RBBP7: variants seen among roughly 807,000 people sequenced by gnomAD.
RBBP7 encodes the protein histone-binding protein RBBP7.
In RBBP7, 5 loss-of-function variants were observed where a neutral mutation model predicts 35.2. The observed-to-expected ratio is 0.14, with a 90% CI of 0.07 to 0.30. The LOEUF is 0.30. Ranked by LOEUF, RBBP7 falls within the 10% of genes least tolerant of loss-of-function variation. RBBP7 has a pLI of 1.00. For missense variants in RBBP7, 155 were observed against 327.5 expected (o/e 0.47, Z 4.07); for synonymous variants, 140 against 118.7 (o/e 1.18, Z -1.17).
chrX:16,867,628 C>T (rs754049437), intron 2 of RBBP7, among the ~76,000 whole-genome samples: 3 of 110,828 alleles, frequency 2.7e-5, no homozygotes, highest in Admixed American at 1.9e-4. Context: ...ATGGAGAACC[C>T]GGCCACTGTA....
chrX:16,856,515 G>A (rs1930356651), intron 5 of RBBP7, among the ~76,000 whole-genome samples: 1 of 107,670 alleles, frequency 9.3e-6, no homozygotes, highest in South Asian at 4.0e-4. Flanking sequence ...GGGTGACAGA[G>A]ACAGACTCCG....
At chrX:16,869,483 G>A (rs1226986428) in intron 1 of RBBP7, 36 of 1,164,427 alleles carry the variant, frequency 3.1e-5, no homozygotes, top group South Asian at 1.1e-4. Flanking sequence ...CCCTGTTACA[G>A]CTGTTCGCAC....
At chrX:16,845,785 C>T (rs368797334) in intron 11 of RBBP7, 43 bp downstream of exon 11, 926 of 1,180,428 alleles carry the variant, frequency 7.8e-4, no homozygotes, top group Non-Finnish European at 1.0e-3. Flanking sequence ...TAGTAAATCT[C>T]TCCTTTACAA....
chrX:16,861,572 T>C (rs1380887724), intron 3 of RBBP7, among the ~76,000 whole-genome samples: 1 of 111,772 alleles, frequency 8.9e-6, no homozygotes, highest in Admixed American at 9.5e-5. Flanking sequence ...GGTCTTAAAC[T>C]CCCAGGCTCA....
At chrX:16,849,410 C>A in intron 9 of RBBP7, 109 bp from the exon 10 acceptor site, 1 of 671,416 alleles carries the variant, frequency 1.5e-6, no homozygotes, top group African/African-American at 2.2e-5. Context: ...AACACACTCA[C>A]AAAAACAACT....
intron 10 of RBBP7, chrX:16,847,134 AAAAAG>A (rs1930099635): frequency 9.3e-6 from 1 of 107,102 alleles, no homozygotes; most frequent in Non-Finnish European, 1.9e-5. Flanking sequence ...GACTTAAAAA[AAAAAG>A]AGGTAAATAG....
At chrX:16,845,975 C>T in intron 10 of RBBP7, 37 bp from the exon 11 acceptor site, 1 of 1,191,067 alleles carries the variant, frequency 8.4e-7, no homozygotes, top group Non-Finnish European at 1.1e-6. Context: ...ATTTCATATA[C>T]TCTCCTGTTA....
chrX:16,864,542 A>AAAAAAAAAAAAAAG (rs1569063331), intron 2 of RBBP7, among the ~76,000 whole-genome samples: 7 of 40,721 alleles, frequency 1.7e-4, no homozygotes, highest in African/African-American at 7.5e-4. Context: ...AAAAAAAAAA[A>AAAAAAAAAAAAAAG]AAAAAGAAAA....
chrX:16,857,707 G>A lies in RBBP7; in HGVS notation c.484C>T (p.Pro162Ser). 8.4e-7 allele frequency: 1 copy of A among 1,188,119 alleles called. No individual in the cohort carries two copies. The highest frequency in any genetic ancestry group is 3.1e-5 in the East Asian group (1 of 32,665). Residue 162 changes from proline to serine, a missense_variant and splice_region_variant, in exon 5 of 12, where the codon CCA becomes TCA. Pro to Ser is a moderately conservative substitution (Grantham distance 74). Around this residue, in one of 3 missense-constraint regions of RBBP7, gnomAD observed 79 missense variants for 220.8 expected, o/e 0.36. Transcript: ENST00000380087. ...AGATCAGGATTACATTCTCCACTTGGGTCTAAGAAAAGATGAAAAACATTA... is the reference window on the plus strand; with the variant it reads ...AGATCAGGATTACATTCTCCACTTGAGTCTAAGAAAAGATGAAAAACATTA... ...DYTKHPAKPD[P>S]SGECNPDLRL...
In RBBP7 at chrX:16,868,623, T is replaced by C. The variant is rs193090837; in HGVS notation, c.161+453A>G. Reference sequence around the variant, plus strand: ...ATAACATCTTTTCTTTGGTCAATTGTTGACAAGGTCTTTTTCCCTTTACCA... The same window carrying C: ...ATAACATCTTTTCTTTGGTCAATTGCTGACAAGGTCTTTTTCCCTTTACCA... On this transcript the variant is annotated intron_variant, in intron 2 of 11. Coordinates refer to ENST00000380087, the MANE Select transcript of RBBP7 (RefSeq NM_002893.4). Among the ~76,000 whole-genome samples, 19 of 112,872 alleles carry C rather than the reference T, an allele frequency of 1.7e-4. No homozygotes were observed. In the East Asian group the frequency reaches 3.3e-3, roughly 20 times the overall value.
intron 4 of RBBP7, among the ~76,000 whole-genome samples, chrX:16,858,131 G>C (rs1466814314): frequency 4.5e-5 from 5 of 111,262 alleles, no homozygotes; most frequent in African/African-American, 1.6e-4. Flanking sequence ...TGTAAGCCCA[G>C]AGCAGTGGGG....
chrX:16,848,912 G>C (rs1328812623), intron 10 of RBBP7: 1 of 164,197 alleles, frequency 6.1e-6, no homozygotes, highest in Non-Finnish European at 1.1e-5. Flanking sequence ...ATACTGTTAG[G>C]AAATGTTAAG....
At chrX:16,858,391 G>A (rs1399013376) in intron 4 of RBBP7, among the ~76,000 whole-genome samples, 1 of 111,626 alleles carries the variant, frequency 9.0e-6, no homozygotes, top group Non-Finnish European at 1.9e-5. Flanking sequence ...CCCTGGATGG[G>A]AAGGACTCAG....
chrX:16,870,278 T>G lies in RBBP7; in HGVS notation c.-225A>C. On this transcript the variant is annotated 5_prime_UTR_variant, in exon 1 of 12. Transcript: ENST00000380087. ...GGTCTGAGGCGCTCTTCTCTCTCTCTCCAAACTTGGAACGAGACTTTTCAA... is the reference window on the plus strand; with the variant it reads ...GGTCTGAGGCGCTCTTCTCTCTCTCGCCAAACTTGGAACGAGACTTTTCAA... The G allele has an allele frequency of 2.8e-6, 1 of 357,028 alleles. No individual in the cohort carries two copies. Among genetic ancestry groups the G allele is most frequent in the Non-Finnish European group, 3.9e-6 (1 of 259,154 alleles). 29.4% of individuals were successfully genotyped at this position (357,028 alleles called of 1,213,427 possible).
chrX:16,853,572 T>C (rs929864150), intron 6 of RBBP7, 110 bp downstream of exon 6: 4 of 775,415 alleles, frequency 5.2e-6, no homozygotes, highest in South Asian at 4.1e-5. Flanking sequence ...CTAAAGCTGT[T>C]TTTTAAAGCC....
In RBBP7 at chrX:16,869,518, G is replaced by C. The variant is rs769926297; in HGVS notation, c.17-298C>G. 5.1e-6 allele frequency: 6 copies of C among 1,167,052 alleles called. No homozygotes were observed. The highest frequency in any genetic ancestry group is 6.9e-6 in the Non-Finnish European group (6 of 872,839). Reference sequence around the variant, plus strand: ...CCTGTTCTAAGATGACGACCTGTACGTACAGGGGCTGCGCGACCCAGTCGG... The same window carrying C: ...CCTGTTCTAAGATGACGACCTGTACCTACAGGGGCTGCGCGACCCAGTCGG... On this transcript the variant is annotated intron_variant, in intron 1 of 11. Coordinates refer to ENST00000380087, the MANE Select transcript of RBBP7 (RefSeq NM_002893.4).
In RBBP7 at chrX:16,862,935, G is replaced by A; in HGVS notation, c.307+20C>T. ...ACATTTTCCCTTTGACACCAATATTGGAATATATGATATACCTACCACCCT... is the reference window on the plus strand; with the variant it reads ...ACATTTTCCCTTTGACACCAATATTAGAATATATGATATACCTACCACCCT... On this transcript the variant is annotated intron_variant, in intron 3 of 11. Coordinates refer to ENST00000380087, the MANE Select transcript of RBBP7 (RefSeq NM_002893.4). 2 of 1,200,015 alleles carry A rather than the reference G, an allele frequency of 1.7e-6. No homozygotes were observed. The highest frequency in any genetic ancestry group is 2.3e-6 in the Non-Finnish European group (2 of 886,355).
intron 6 of RBBP7, chrX:16,853,096 C>A: frequency 2.3e-6 from 1 of 435,423 alleles, no homozygotes; most frequent in Non-Finnish European, 3.7e-6. Context: ...AAATTAGATT[C>A]CTATTTTAAT....
In RBBP7 at chrX:16,849,319, A is replaced by G. The variant is rs1930160058; in HGVS notation, c.1041-18T>C. The G allele has an allele frequency of 2.5e-6, 3 of 1,191,009 alleles. No homozygotes were observed. The highest frequency in any genetic ancestry group is 3.4e-6 in the Non-Finnish European group (3 of 879,774). ...CAATTTTACTGTAAGAATAAAGAAT[A>G]TAACGCTTTCATCAGTGAAATTCTT... On this transcript the variant is annotated intron_variant, in intron 9 of 11. Coordinates refer to ENST00000380087, the MANE Select transcript of RBBP7 (RefSeq NM_002893.4).
Sources: gnomAD v4.1 joint callset for allele counts (sites outside exome capture counted in the v4.1 genomes callset) on GRCh38, gnomAD v4.1.1 for gene constraint, gnomAD v4.1.1 regional missense constraint, MANE v1.5 for transcripts, NCBI Gene and HGNC (gene_info 2026-07-23, HGNC 2026-07-21) for gene names.